The following SLC5A11 variants were observed in gnomAD, a reference collection of about 807,000 sequenced individuals.
SLC5A11 encodes solute carrier family 5 member 11, also known as sodium/myo-inositol cotransporter 2.
Under a neutral mutation model 69.8 loss-of-function variants are expected in SLC5A11, and 48 were observed. That is an observed-to-expected ratio of 0.69 (90% CI 0.55 to 0.87). The LOEUF (loss-of-function observed/expected upper bound fraction) is 0.87. SLC5A11 is among the 40% of genes least tolerant of loss of function. The pLI is 0.00. For missense variants in SLC5A11, 784 were observed against 866.1 expected, an observed-to-expected ratio of 0.91 and a Z score of 1.19; for synonymous variants, 319 against 342.4, an observed-to-expected ratio of 0.93 and a Z score of 0.75.
intron 1 of SLC5A11, among the ~76,000 whole-genome samples, chr16:24,856,161 C>T (rs916959042): frequency 6.6e-6 from 1 of 152,184 alleles, no homozygotes; most frequent in African/African-American, 2.4e-5. Context: ...GTGCTACTGG[C>T]ATTCAGCAGG....
At chr16:24,857,711 T>A (rs1440491323) in intron 1 of SLC5A11, among the ~76,000 whole-genome samples, 1 of 152,230 alleles carries the variant, frequency 6.6e-6, no homozygotes, top group Non-Finnish European at 1.5e-5. Flanking sequence ...GCCCACCCAG[T>A]TAATCCAGGC....
chr16:24,906,705 A>G, exon 11 of SLC5A11: 4 of 1,613,418 alleles, frequency 2.5e-6, no homozygotes, highest in Non-Finnish European at 3.4e-6. Context: ...ATCTGCAGCA[A>G]CCCCTCAGGC....
Position 24,862,588 on chromosome 16 carries a change from C to CTT in SLC5A11, c.136-5_136-4dup. 1 of 1,541,862 alleles carries CTT rather than the reference C, an allele frequency of 6.5e-7. No homozygotes were observed. ...ACGTCTTCCCTCACCCACCTCTCTT[C>CTT]TTTTTTTTTCAGTCCACAGTGAAGA... On this transcript the variant is annotated splice_polypyrimidine_tract_variant and intron_variant, in intron 2 of 15. Coordinates refer to ENST00000347898, the Ensembl canonical transcript of SLC5A11.
chr16:24,861,559 G>GA (rs1779564056), intron 2 of SLC5A11, among the ~76,000 whole-genome samples: 2 of 139,394 alleles, frequency 1.4e-5, no homozygotes, highest in South Asian at 4.7e-4. Context: ...TAAAAGAAAA[G>GA]AAAGAAAGAG....
intron 1 of SLC5A11, among the ~76,000 whole-genome samples, chr16:24,848,522 G>C (rs913498940): frequency 3.9e-5 from 6 of 152,196 alleles, no homozygotes; most frequent in East Asian, 1.9e-4. Flanking sequence ...ACTGTGCAGG[G>C]ATCATTTGAG....
chr16:24,855,787 G>A (rs1016595303), intron 1 of SLC5A11, among the ~76,000 whole-genome samples: 1 of 152,230 alleles, frequency 6.6e-6, no homozygotes, highest in Non-Finnish European at 1.5e-5. Context: ...ATGAGGAACG[G>A]GCCCTCACCA....
intron 1 of SLC5A11, among the ~76,000 whole-genome samples, chr16:24,852,415 C>A (rs1254765520): frequency 6.6e-6 from 1 of 152,164 alleles, no homozygotes; most frequent in Non-Finnish European, 1.5e-5. Context: ...AGTCCCTGCT[C>A]CACTGAGCTT....
chr16:24,887,293 T>G (rs2048458727), intron 8 of SLC5A11, among the ~76,000 whole-genome samples: 1 of 152,112 alleles, frequency 6.6e-6, no homozygotes, highest in African/African-American at 2.4e-5. Context: ...TAAATAATGA[T>G]CCAGTTAAAA....
At chr16:24,906,410 C>T (rs2050064237) in intron 10 of SLC5A11, among the ~76,000 whole-genome samples, 3 of 151,714 alleles carry the variant, frequency 2.0e-5, no homozygotes, top group South Asian at 2.1e-4. Flanking sequence ...ATCTGGGTTA[C>T]GATAACAATA....
chr16:24,874,348 T>G (rs2047528815), intron 5 of SLC5A11, among the ~76,000 whole-genome samples: 1 of 152,340 alleles, frequency 6.6e-6, no homozygotes, highest in South Asian at 2.1e-4. Context: ...AATCTACCTC[T>G]AAGTGGAATT....
chr16:24,849,573 A>C (rs1271929539), intron 1 of SLC5A11, among the ~76,000 whole-genome samples: 1 of 24,888 alleles, frequency 4.0e-5, no homozygotes, highest in Non-Finnish European at 7.9e-5. Flanking sequence ...CCTTGGGGGC[A>C]AAAAAAAAAA....
chr16:24,888,601 A>C (rs1247552911), intron 8 of SLC5A11, among the ~76,000 whole-genome samples: 1 of 146,334 alleles, frequency 6.8e-6, no homozygotes, highest in Non-Finnish European at 1.5e-5. Context: ...CTCCTGCCTC[A>C]GCCTCCCAAG....
chr16:24,863,280 C>T (rs74319402), intron 3 of SLC5A11, among the ~76,000 whole-genome samples: 11,546 of 151,880 alleles, frequency 0.076, 881 homozygotes, highest in East Asian at 0.27. Flanking sequence ...GACAGAAGTC[C>T]AAGATGGCTT....
chr16:24,853,653 A>T (rs2059407622), intron 1 of SLC5A11, among the ~76,000 whole-genome samples: 1 of 152,216 alleles, frequency 6.6e-6, no homozygotes, highest in Non-Finnish European at 1.5e-5. Context: ...CTGGGTTGGG[A>T]TCCCACCCGC....
intron 5 of SLC5A11, among the ~76,000 whole-genome samples, chr16:24,874,497 A>G (rs1398822200): frequency 6.6e-6 from 1 of 152,172 alleles, no homozygotes; most frequent in Non-Finnish European, 1.5e-5. Context: ...CCTTGGTTAC[A>G]TTTTATATTC....
chr16:24,885,887 G>A (rs2048365014), intron 8 of SLC5A11, among the ~76,000 whole-genome samples: 1 of 151,838 alleles, frequency 6.6e-6, no homozygotes, highest in African/African-American at 2.4e-5. Context: ...AATAGAAGCG[G>A]ATAAAAAGGA....
chr16:24,907,085 T>C (rs774951983), exon 12 of SLC5A11: 2 of 1,614,036 alleles, frequency 1.2e-6, no homozygotes, highest in Non-Finnish European at 1.7e-6. Flanking sequence ...CTCACCTCCA[T>C]CTTTAACAGT....
intron 7 of SLC5A11, among the ~76,000 whole-genome samples, chr16:24,881,287 G>A (rs1166075443): frequency 6.6e-6 from 1 of 151,654 alleles, no homozygotes; most frequent in Non-Finnish European, 1.5e-5. Context: ...TTGTTTGTTT[G>A]TTTGTTTTTC....
At chr16:24,910,720 C>CA (rs2050454766) in intron 15 of SLC5A11, among the ~76,000 whole-genome samples, 1 of 152,148 alleles carries the variant, frequency 6.6e-6, no homozygotes, top group Non-Finnish European at 1.5e-5. Flanking sequence ...CCTACGGAGA[C>CA]ACGGTTGGTT....
Sources: gnomAD v4.1 joint callset for allele counts (sites outside exome capture counted in the v4.1 genomes callset) on GRCh38, gnomAD v4.1.1 for gene constraint, MANE v1.5 for transcripts, NCBI Gene and HGNC (gene_info 2026-07-23, HGNC 2026-07-21) for gene names.